FBXO11: variants seen among roughly 807,000 people sequenced by gnomAD.
FBXO11 encodes the protein F-box protein 11.
A neutral mutation model predicts 117.0 loss-of-function variants in FBXO11; 13 were observed. The ratio of observed to expected loss-of-function variants is 0.11; its 90% confidence interval spans 0.07 to 0.18. The LOEUF is 0.18. FBXO11 is among the 10% of genes least tolerant of loss of function. The pLI, the probability that FBXO11 is intolerant of heterozygous loss-of-function variation, is 1.00. For synonymous variants in FBXO11, 490 were observed against 380.5 expected (o/e 1.29, Z -3.35); for missense variants, 767 against 1,164.4 (o/e 0.66, Z 4.97).
In FBXO11 at chr2:47,838,735, G is replaced by A. The variant is rs1191386715; in HGVS notation, c.587+124C>T. 1.7e-5 allele frequency: 13 copies of A among 776,638 alleles called. No homozygotes were observed. The South Asian group carries it at 2.2e-4, about 13-fold the overall frequency. The allele number at this position is 776,638 out of a possible 1,614,324, so 48.1% of individuals were successfully genotyped here. ...CCCATTTGTAACTTGGAATTGATAA[G>A]CATTTTAATTTTGTTCCAACTAATT... On this transcript the variant is annotated intron_variant, in intron 4 of 22. Coordinates refer to ENST00000403359, the MANE Select transcript of FBXO11 (RefSeq NM_001190274.2).
intron 1 of FBXO11, among the ~76,000 whole-genome samples, chr2:47,860,914 T>G (rs1038243447): frequency 2.3e-4 from 34 of 147,072 alleles, no homozygotes; most frequent in African/African-American, 8.3e-4. Flanking sequence ...TGGCGCAATC[T>G]CGGCTCACTG....
At chr2:47,886,586 T>C (rs996797533) in intron 1 of FBXO11, among the ~76,000 whole-genome samples, 5 of 152,066 alleles carry the variant, frequency 3.3e-5, no homozygotes, top group Non-Finnish European at 5.9e-5. Flanking sequence ...TTTGCTGCAG[T>C]TCTTTAATAG....
At chr2:47,820,018 T>A (rs1294060387) in intron 14 of FBXO11, among the ~76,000 whole-genome samples, 1 of 152,216 alleles carries the variant, frequency 6.6e-6, no homozygotes, top group Non-Finnish European at 1.5e-5. Flanking sequence ...GTAGTCATAC[T>A]CGTAAAATTC....
chr2:47,813,690 CCCAAAGTGCTGGGATTACAGG>C, intron 17 of FBXO11, 80 bp downstream of exon 17: 2 of 955,942 alleles, frequency 2.1e-6, no homozygotes, highest in Non-Finnish European at 3.2e-6. Context: ...ATCTCGGCCT[CCCAAAGTGCTGGGATTACAGG>C]CGTGAGCCAC....
chr2:47,819,913 A>G (rs1381956050), intron 14 of FBXO11, among the ~76,000 whole-genome samples: 2 of 152,192 alleles, frequency 1.3e-5, no homozygotes, highest in African/African-American at 4.8e-5. Flanking sequence ...ACCATGAGTG[A>G]AGACGATTAA....
At chr2:47,811,887 G>A (rs1304873037) in intron 18 of FBXO11, among the ~76,000 whole-genome samples, 1 of 152,196 alleles carries the variant, frequency 6.6e-6, no homozygotes, top group Non-Finnish European at 1.5e-5. Flanking sequence ...AAGTACAGGT[G>A]TGAGCCACTG....
intron 14 of FBXO11, 104 bp downstream of exon 14, chr2:47,820,258 T>A (rs1572778964): frequency 7.5e-6 from 5 of 670,614 alleles, no homozygotes; most frequent in African/African-American, 1.8e-5. Context: ...CACAAATTCA[T>A]ACCTCAAAAG....
At chr2:47,868,969 C>A (rs1223266894) in intron 1 of FBXO11, among the ~76,000 whole-genome samples, 3 of 152,246 alleles carry the variant, frequency 2.0e-5, no homozygotes, top group Non-Finnish European at 4.4e-5. Context: ...TTCCCAGCAT[C>A]CTGAAGCAGC....
chr2:47,818,160 A>AT (rs1359630837), intron 16 of FBXO11, among the ~76,000 whole-genome samples: 1 of 152,238 alleles, frequency 6.6e-6, no homozygotes, highest in African/African-American at 2.4e-5. Flanking sequence ...CATAACAGAC[A>AT]TAATGATAAT....
intron 1 of FBXO11, among the ~76,000 whole-genome samples, chr2:47,899,498 T>C (rs968202444): frequency 3.9e-5 from 6 of 152,200 alleles, no homozygotes; most frequent in Non-Finnish European, 7.3e-5. Flanking sequence ...ATAAGGCAGG[T>C]GTGATTCCCA....
intron 11 of FBXO11, among the ~76,000 whole-genome samples, chr2:47,826,972 G>C (rs1412324328): frequency 6.6e-6 from 1 of 152,166 alleles, no homozygotes; most frequent in Non-Finnish European, 1.5e-5. Context: ...GCTTTAACCT[G>C]CTCCAATCTG....
intron 1 of FBXO11, among the ~76,000 whole-genome samples, chr2:47,884,149 G>A (rs1676642077): frequency 1.3e-5 from 2 of 152,170 alleles, no homozygotes; most frequent in African/African-American, 4.8e-5. Context: ...AACCCGGGAG[G>A]CAGAGGTTTC....
intron 11 of FBXO11, among the ~76,000 whole-genome samples, chr2:47,831,044 C>T (rs1672143859): frequency 6.6e-6 from 1 of 151,970 alleles, no homozygotes; most frequent in Non-Finnish European, 1.5e-5. Flanking sequence ...AGCGATCCAA[C>T]TGCCTTGGCC....
chr2:47,811,105 T>A (rs1176825168), intron 18 of FBXO11: 2 of 152,306 alleles, frequency 1.3e-5, no homozygotes, highest in Non-Finnish European at 2.9e-5. Flanking sequence ...TCTGACTCAG[T>A]AACTTCTTGG....
intron 1 of FBXO11, among the ~76,000 whole-genome samples, chr2:47,895,297 T>A (rs1317788829): frequency 6.6e-6 from 1 of 152,212 alleles, no homozygotes; most frequent in African/African-American, 2.4e-5. Flanking sequence ...ATTCATACAA[T>A]GTAATACTAA....
At chr2:47,846,893 C>T (rs574754368) in intron 1 of FBXO11, among the ~76,000 whole-genome samples, 1 of 152,282 alleles carries the variant, frequency 6.6e-6, no homozygotes, top group South Asian at 2.1e-4. Flanking sequence ...CAGCTAGTGG[C>T]TACCCTTAAT....
At chr2:47,900,593 T>C (rs1678049280) in intron 1 of FBXO11, among the ~76,000 whole-genome samples, 1 of 114,776 alleles carries the variant, frequency 8.7e-6, no homozygotes, top group African/African-American at 3.2e-5. Context: ...TATATACGTA[T>C]ATACACACGT....
intron 1 of FBXO11, among the ~76,000 whole-genome samples, chr2:47,866,399 A>C (rs912049223): frequency 6.6e-6 from 1 of 152,144 alleles, no homozygotes; most frequent in Non-Finnish European, 1.5e-5. Flanking sequence ...CAGGGTATCT[A>C]AAAGTTCTTC....
At position 47,881,647 on chromosome 2, in the gene FBXO11, C is replaced by T. The variant is rs147915554; in HGVS notation, c.232+23842G>A. 3.5e-3 allele frequency among the ~76,000 whole-genome samples: 527 copies of T among 152,076 alleles called. 3 individuals carry two copies. Among genetic ancestry groups the T allele is most frequent in the African/African-American group, 0.012 (497 of 41,488 alleles). The stretch of plus-strand genomic sequence containing the variant: ...CATCTTTTTCAATACCAGTTATTAC[C>T]ATAGGGCAATTCCTTCTCTCAAATT... On this transcript the variant is annotated intron_variant, in intron 1 of 22. Coordinates refer to ENST00000403359, the MANE Select transcript of FBXO11 (RefSeq NM_001190274.2).
Sources: gnomAD v4.1 joint callset for allele counts (sites outside exome capture counted in the v4.1 genomes callset) on GRCh38, gnomAD v4.1.1 for gene constraint, MANE v1.5 for transcripts, NCBI Gene and HGNC (gene_info 2026-07-23, HGNC 2026-07-21) for gene names.